Variants in DCUN1D4 observed in about 807,000 individuals in gnomAD.
DCUN1D4 encodes the protein DCN1-like protein 4.
A neutral mutation model predicts 47.9 loss-of-function variants in DCUN1D4; 22 were observed. That is an observed-to-expected ratio of 0.46 (90% confidence interval 0.33 to 0.66). The LOEUF (loss-of-function observed/expected upper bound fraction) is 0.66, where lower values mean the gene tolerates loss of function less well. Ranked by LOEUF, DCUN1D4 falls within the 30% of genes least tolerant of loss-of-function variation. The pLI, the probability that DCUN1D4 is intolerant of heterozygous loss-of-function variation, is 0.02. For missense variants in DCUN1D4, 301 were observed against 340.8 expected (o/e 0.88, Z 0.92); for synonymous variants, 121 against 112.2 (o/e 1.08, Z -0.50).
intron 4 of DCUN1D4, among the ~76,000 whole-genome samples, chr4:51,875,521 C>T (rs1227793440): frequency 6.6e-6 from 1 of 152,064 alleles, no homozygotes; most frequent in African/African-American, 2.4e-5. Context: ...TATTTACATA[C>T]CATAAAGTTC....
intron 7 of DCUN1D4, among the ~76,000 whole-genome samples, chr4:51,896,840 G>A (rs887261380): frequency 4.6e-5 from 7 of 152,114 alleles, no homozygotes; most frequent in Non-Finnish European, 7.3e-5. Flanking sequence ...CTTTCTCATA[G>A]TGGCAGGTGG....
intron 7 of DCUN1D4, among the ~76,000 whole-genome samples, chr4:51,893,930 T>C (rs368684847): frequency 6.7e-4 from 102 of 152,330 alleles, no homozygotes; most frequent in Non-Finnish European, 1.2e-3. Flanking sequence ...CAAAAGAATA[T>C]TACCTGATAC....
At chr4:51,909,991 G>A (rs1360177406) in intron 8 of DCUN1D4, among the ~76,000 whole-genome samples, 2 of 152,182 alleles carry the variant, frequency 1.3e-5, no homozygotes, top group Non-Finnish European at 2.9e-5. Context: ...TTGCAGTGAT[G>A]ATTTATTTTA....
At chr4:51,881,020 C>T (rs1194814028) in intron 5 of DCUN1D4, among the ~76,000 whole-genome samples, 2 of 151,940 alleles carry the variant, frequency 1.3e-5, no homozygotes, top group Non-Finnish European at 2.9e-5. Flanking sequence ...GCCAGCTACT[C>T]GGGAAGCTGA....
At chr4:51,860,438 G>C (rs1724865390) in intron 1 of DCUN1D4, 1 of 345,426 alleles carries the variant, frequency 2.9e-6, no homozygotes. Context: ...AACATCAGTT[G>C]CTGGTATATG....
intron 6 of DCUN1D4, among the ~76,000 whole-genome samples, chr4:51,888,895 GA>G (rs1049887133): frequency 5.3e-5 from 8 of 152,088 alleles, no homozygotes; most frequent in African/African-American, 1.9e-4. Context: ...TGGATCACAT[GA>G]GGTCAGGAGT....
intron 8 of DCUN1D4, among the ~76,000 whole-genome samples, chr4:51,903,632 G>A (rs1732443078): frequency 6.6e-6 from 1 of 152,038 alleles, no homozygotes; most frequent in Non-Finnish European, 1.5e-5. Context: ...ACTATGTTAG[G>A]TTGCTTGAAT....
chr4:51,867,149 G>A (rs1726071438), intron 3 of DCUN1D4, among the ~76,000 whole-genome samples: 1 of 152,254 alleles, frequency 6.6e-6, no homozygotes, highest in Non-Finnish European at 1.5e-5. Flanking sequence ...CGAGGCTGCA[G>A]CTGGACCAGA....
At chr4:51,834,838 C>A in the DCUN1D4 span, among the ~76,000 whole-genome samples, 2 of 152,136 alleles carry the variant, frequency 1.3e-5, no homozygotes, top group African/African-American at 4.8e-5. Flanking sequence ...CAATGGCAAT[C>A]CTTTAAAGTC....
At chr4:51,907,695 T>C (rs993822717) in intron 8 of DCUN1D4, among the ~76,000 whole-genome samples, 6 of 152,194 alleles carry the variant, frequency 3.9e-5, no homozygotes, top group Non-Finnish European at 7.4e-5. Flanking sequence ...AGGGTTCCTC[T>C]TTTCCTCTTT....
intron 3 of DCUN1D4, among the ~76,000 whole-genome samples, chr4:51,864,511 A>T (rs1238805525): frequency 6.6e-6 from 1 of 152,234 alleles, no homozygotes; most frequent in Non-Finnish European, 1.5e-5. Flanking sequence ...TGAGTAGTTT[A>T]TAAACAATAG....
chr4:51,834,086 C>CTTTTTTTTTT, the DCUN1D4 span, among the ~76,000 whole-genome samples: 6 of 47,000 alleles, frequency 1.3e-4, no homozygotes, highest in Non-Finnish European at 1.8e-4. Context: ...CTCTCTCTCT[C>CTTTTTTTTTT]TTTTCTTTTC....
chr4:51,895,584 A>C (rs1353837018), intron 7 of DCUN1D4, among the ~76,000 whole-genome samples: 1 of 128,446 alleles, frequency 7.8e-6, no homozygotes, highest in Non-Finnish European at 1.6e-5. Context: ...AAAAAAAAAA[A>C]AAAACAGTGA....
At chr4:51,907,281 TCTAAA>T (rs1426852174) in intron 8 of DCUN1D4, among the ~76,000 whole-genome samples, 1 of 152,244 alleles carries the variant, frequency 6.6e-6, no homozygotes, top group Non-Finnish European at 1.5e-5. Flanking sequence ...CATTGTTGTC[TCTAAA>T]CTAATGTTAG....
intron 6 of DCUN1D4, among the ~76,000 whole-genome samples, chr4:51,890,928 C>A (rs1730324471): frequency 6.6e-6 from 1 of 152,234 alleles, no homozygotes; most frequent in South Asian, 2.1e-4. Context: ...TTTCTGAAAC[C>A]TGCATGGTTT....
At chr4:51,843,378 C>G (rs956754001) in intron 1 of DCUN1D4, 111 bp downstream of exon 1, 2 of 1,374,998 alleles carry the variant, frequency 1.5e-6, no homozygotes, top group African/African-American at 3.0e-5. Flanking sequence ...CGCCGGGAGC[C>G]CCTGCCTGGG....
chr4:51,883,655 C>T (rs904003446), intron 5 of DCUN1D4, among the ~76,000 whole-genome samples: 2 of 152,144 alleles, frequency 1.3e-5, no homozygotes, highest in Non-Finnish European at 2.9e-5. Flanking sequence ...ATGATCATTG[C>T]AGATGAAATG....
intron 1 of DCUN1D4, chr4:51,848,181 A>G (rs1405128896): frequency 2.4e-6 from 3 of 1,254,904 alleles, no homozygotes; most frequent in East Asian, 6.3e-5. Flanking sequence ...ATGCAAACTA[A>G]TTTAATATTT....
chr4:51,872,609 GT>G (rs1234237473), intron 3 of DCUN1D4, among the ~76,000 whole-genome samples: 1 of 152,148 alleles, frequency 6.6e-6, no homozygotes, highest in African/African-American at 2.4e-5. Flanking sequence ...TCCTGCCTGG[GT>G]TTTACCTTCT....
Sources: gnomAD v4.1 joint callset for allele counts (sites outside exome capture counted in the v4.1 genomes callset) on GRCh38, gnomAD v4.1.1 for gene constraint, MANE v1.5 for transcripts, NCBI Gene and HGNC (gene_info 2026-07-23, HGNC 2026-07-21) for gene names.